The following MRPL1 variants were observed in gnomAD, a reference collection of about 807,000 sequenced individuals.
The protein encoded by MRPL1 is large ribosomal subunit protein uL1m.
Under a neutral mutation model 38.0 loss-of-function variants are expected in MRPL1, and 28 were observed. That is an observed-to-expected ratio of 0.74 (90% CI 0.55 to 1.01). The LOEUF (loss-of-function observed/expected upper bound fraction) is 1.01, where lower values mean the gene tolerates loss of function less well. Ranked by LOEUF, MRPL1 falls within the 50% of genes least tolerant of loss-of-function variation. The pLI is 0.00. For missense variants in MRPL1, 358 were observed against 389.8 expected (o/e 0.92, Z 0.69); for synonymous variants, 123 against 126.7 (o/e 0.97, Z 0.20).
intron 7 of MRPL1, among the ~76,000 whole-genome samples, chr4:77,917,792 A>C (rs191581948): frequency 6.6e-6 from 1 of 152,290 alleles, no homozygotes; most frequent in African/African-American, 2.4e-5. Context: ...GCAGTGGCTC[A>C]CACCTGTGAT....
intron 6 of MRPL1, among the ~76,000 whole-genome samples, chr4:77,906,461 A>G (rs144661498): frequency 3.1e-4 from 47 of 152,272 alleles, no homozygotes; most frequent in Admixed American, 8.5e-4. Flanking sequence ...GGAAGATTTT[A>G]TAGCAAGTTT....
chr4:77,910,547 C>T (rs1167046607), intron 7 of MRPL1, among the ~76,000 whole-genome samples: 1 of 152,100 alleles, frequency 6.6e-6, no homozygotes, highest in African/African-American at 2.4e-5. Flanking sequence ...CTGAGGCGAT[C>T]CCTGGGATCA....
intron 7 of MRPL1, 113 bp from the exon 8 acceptor site, chr4:77,949,684 A>G (rs1319663261): frequency 8.1e-6 from 5 of 620,872 alleles, no homozygotes; most frequent in Non-Finnish European, 1.4e-5. Flanking sequence ...CTTTCACAGT[A>G]GGGTCATTTA....
intron 6 of MRPL1, among the ~76,000 whole-genome samples, chr4:77,905,677 A>G (rs1287687162): frequency 6.6e-6 from 1 of 152,156 alleles, no homozygotes; most frequent in Non-Finnish European, 1.5e-5. Context: ...ACTAAAATCT[A>G]CATCATCAAT....
chr4:77,888,515 TAAATA>T (rs1560463047), intron 5 of MRPL1, among the ~76,000 whole-genome samples: 2 of 151,686 alleles, frequency 1.3e-5, no homozygotes, highest in East Asian at 3.9e-4. Flanking sequence ...AAAAAATAAA[TAAATA>T]AAATAAATAA....
intron 8 of MRPL1, among the ~76,000 whole-genome samples, chr4:77,950,236 A>G (rs935894112): frequency 6.6e-6 from 1 of 152,226 alleles, no homozygotes; most frequent in African/African-American, 2.4e-5. Context: ...AAACCAGATC[A>G]TTCACTTTGT....
intron 7 of MRPL1, among the ~76,000 whole-genome samples, chr4:77,917,197 A>G (rs932800116): frequency 2.6e-5 from 4 of 151,092 alleles, no homozygotes; most frequent in African/African-American, 9.7e-5. Flanking sequence ...ATTCTCCACA[A>G]CTCTCTTTTT....
chr4:77,917,467 A>G (rs922660635), intron 7 of MRPL1, among the ~76,000 whole-genome samples: 4 of 152,184 alleles, frequency 2.6e-5, no homozygotes, highest in African/African-American at 9.7e-5. Flanking sequence ...TTTTTAATGT[A>G]TCCTATGTAT....
At chr4:77,898,574 T>A (rs1735969138) in intron 6 of MRPL1, among the ~76,000 whole-genome samples, 1 of 151,766 alleles carries the variant, frequency 6.6e-6, no homozygotes, top group Non-Finnish European at 1.5e-5. Context: ...CACTGCAACC[T>A]CCCCTTCCCG....
At chr4:77,865,591 C>T (rs543296262) in intron 1 of MRPL1, among the ~76,000 whole-genome samples, 3 of 152,120 alleles carry the variant, frequency 2.0e-5, no homozygotes, top group East Asian at 3.9e-4. Context: ...CTCTCGAGCT[C>T]CTGGGCTCAA....
At chr4:77,878,328 G>C (rs2110232655) in intron 2 of MRPL1, among the ~76,000 whole-genome samples, 1 of 152,314 alleles carries the variant, frequency 6.6e-6, no homozygotes, top group Middle Eastern at 3.4e-3. Context: ...CAGCATCAGA[G>C]ATGTTAGTGA....
At chr4:77,889,311 C>T (rs1251669180) in intron 5 of MRPL1, among the ~76,000 whole-genome samples, 1 of 152,176 alleles carries the variant, frequency 6.6e-6, no homozygotes, top group Non-Finnish European at 1.5e-5. Context: ...GAGACTAGAA[C>T]TCAGGATTAA....
At chr4:77,911,321 A>G (rs1383777181) in intron 7 of MRPL1, among the ~76,000 whole-genome samples, 1 of 152,160 alleles carries the variant, frequency 6.6e-6, no homozygotes, top group African/African-American at 2.4e-5. Flanking sequence ...GACTCAGAAT[A>G]TAAGAAACCA....
intron 1 of MRPL1, among the ~76,000 whole-genome samples, chr4:77,865,794 ATC>A (rs1210041861): frequency 2.0e-5 from 3 of 152,104 alleles, no homozygotes; most frequent in Non-Finnish European, 4.4e-5. Flanking sequence ...ACCTGCTACC[ATC>A]TCTCACTTGG....
intron 7 of MRPL1, among the ~76,000 whole-genome samples, chr4:77,914,851 C>T (rs899858088): frequency 5.1e-4 from 77 of 152,122 alleles, no homozygotes; most frequent in African/African-American, 1.8e-3. Context: ...AGGAAGATAT[C>T]TAGAACAGGG....
chr4:77,895,509 G>A (rs982602350), intron 6 of MRPL1, among the ~76,000 whole-genome samples: 2 of 152,120 alleles, frequency 1.3e-5, no homozygotes, highest in African/African-American at 4.8e-5. Context: ...TTTAGATAGT[G>A]CTGGATGTCT....
At chr4:77,930,836 T>C (rs1179755120) in intron 7 of MRPL1, among the ~76,000 whole-genome samples, 1 of 152,222 alleles carries the variant, frequency 6.6e-6, no homozygotes, top group African/African-American at 2.4e-5. Flanking sequence ...TTTCCCGCAC[T>C]GCGCACTTGT....
Position 77,950,203 on chromosome 4 carries a change from A to T in MRPL1, c.859+325A>T, listed in dbSNP as rs75994726. Among the ~76,000 whole-genome samples the T allele has an allele frequency of 3.8e-3, 584 of 152,326 alleles. 3 individuals carry two copies. The highest frequency in any genetic ancestry group is 0.013 in the African/African-American group (546 of 41,588). On this transcript the variant is annotated intron_variant, in intron 8 of 8. Transcript: ENST00000315567. ...ACTTACAATGATGTTAGGGACTAAAATTATTTCTAAAATGATATTTTGAAA... is the reference window on the plus strand; with the variant it reads ...ACTTACAATGATGTTAGGGACTAAATTTATTTCTAAAATGATATTTTGAAA...
chr4:77,898,410 G>A (rs1410482976), intron 6 of MRPL1, among the ~76,000 whole-genome samples: 2 of 152,000 alleles, frequency 1.3e-5, no homozygotes, highest in South Asian at 2.1e-4. Flanking sequence ...ATGAATGAAT[G>A]AATGAATGAA....
Sources: gnomAD v4.1 joint callset for allele counts (sites outside exome capture counted in the v4.1 genomes callset) on GRCh38, gnomAD v4.1.1 for gene constraint, MANE v1.5 for transcripts, NCBI Gene and HGNC (gene_info 2026-07-23, HGNC 2026-07-21) for gene names.